Variants in WWOX observed in about 807,000 individuals in gnomAD.
The protein encoded by WWOX is WW domain-containing oxidoreductase.
WWOX carries 69 observed loss-of-function variants against 46.2 expected under a neutral mutation model. That is an observed-to-expected ratio of 1.49 (90% CI 1.23 to 1.82). The LOEUF is 1.82. Among genes scored for constraint, WWOX ranks in the 40% most tolerant of loss-of-function variants. The pLI, the probability that WWOX is intolerant of heterozygous loss-of-function variation, is 0.00. For missense variants in WWOX, 919 were observed against 542.6 expected, an observed-to-expected ratio of 1.69 and a Z score of -6.89; for synonymous variants, 359 against 202.6, an observed-to-expected ratio of 1.77 and a Z score of -6.56.
At chr16:78,912,323 T>C (rs137861223) in intron 8 of WWOX, among the ~76,000 whole-genome samples, 2 of 152,150 alleles carry the variant, frequency 1.3e-5, no homozygotes, top group Non-Finnish European at 1.5e-5. Flanking sequence ...ATGTGTGTTA[T>C]TTTATTTCAT....
chr16:78,145,035 C>G (rs2034150957), intron 4 of WWOX, among the ~76,000 whole-genome samples: 1 of 152,114 alleles, frequency 6.6e-6, no homozygotes, highest in Non-Finnish European at 1.5e-5. Context: ...GCTGCTGTAA[C>G]AAAGCACCAC....
chr16:78,769,836 G>A (rs2050020808), intron 8 of WWOX, among the ~76,000 whole-genome samples: 1 of 150,478 alleles, frequency 6.6e-6, no homozygotes, highest in Non-Finnish European at 1.5e-5. Context: ...GGGAGGTCCT[G>A]TCTCTACAAA....
intron 8 of WWOX, among the ~76,000 whole-genome samples, chr16:79,127,334 T>G (rs1209284339): frequency 5.3e-5 from 8 of 152,188 alleles, no homozygotes; most frequent in Non-Finnish European, 1.2e-4. Flanking sequence ...TACAAGGCAA[T>G]ATGTTTGTAT....
intron 5 of WWOX, among the ~76,000 whole-genome samples, chr16:78,327,331 G>A (rs1426627694): frequency 5.9e-5 from 9 of 152,094 alleles, no homozygotes; most frequent in Non-Finnish European, 7.4e-5. Context: ...GGTGTGAAGC[G>A]TGCCAGCTTT....
chr16:78,125,375 G>A (rs2033317364), intron 4 of WWOX, among the ~76,000 whole-genome samples: 1 of 152,060 alleles, frequency 6.6e-6, no homozygotes, highest in South Asian at 2.1e-4. Context: ...CTGTTGGGAG[G>A]AATAACAGCA....
intron 8 of WWOX, among the ~76,000 whole-genome samples, chr16:78,744,574 G>A (rs1045924482): frequency 6.6e-6 from 1 of 151,820 alleles, no homozygotes; most frequent in Non-Finnish European, 1.5e-5. Flanking sequence ...TGGGATTACA[G>A]GCACCTGCCA....
At chr16:78,309,249 A>T (rs2080189653) in intron 5 of WWOX, among the ~76,000 whole-genome samples, 1 of 152,184 alleles carries the variant, frequency 6.6e-6, no homozygotes, top group Non-Finnish European at 1.5e-5. Context: ...CGATGGTTAT[A>T]AATAAGTGTT....
chr16:78,407,720 T>C (rs148510413), intron 6 of WWOX, among the ~76,000 whole-genome samples: 38 of 152,306 alleles, frequency 2.5e-4, no homozygotes, highest in East Asian at 7.7e-4. Flanking sequence ...TTCAGTGATA[T>C]ATTGTGAAAC....
chr16:78,879,272 GA>G (rs2044294496), intron 8 of WWOX, among the ~76,000 whole-genome samples: 2 of 152,180 alleles, frequency 1.3e-5, no homozygotes, highest in African/African-American at 4.8e-5. Flanking sequence ...AAGAGCAAGT[GA>G]AGATTGCATC....
chr16:78,672,795 T>A (rs1265777313), intron 8 of WWOX, among the ~76,000 whole-genome samples: 1 of 152,362 alleles, frequency 6.6e-6, no homozygotes, highest in African/African-American at 2.4e-5. Context: ...CTCTTGAGTT[T>A]CCAATGATAA....
intron 8 of WWOX, among the ~76,000 whole-genome samples, chr16:78,777,941 A>G (rs1597593719): frequency 6.6e-6 from 1 of 151,712 alleles, no homozygotes. Flanking sequence ...ACTGCTCAGA[A>G]TGCTAAGGTA....
chr16:78,325,761 G>A (rs1332590714), intron 5 of WWOX, among the ~76,000 whole-genome samples: 1 of 152,216 alleles, frequency 6.6e-6, no homozygotes, highest in Non-Finnish European at 1.5e-5. Context: ...TAGCCTTGCA[G>A]GCAAGGAAGC....
intron 5 of WWOX, among the ~76,000 whole-genome samples, chr16:78,328,061 A>G (rs568334431): frequency 6.6e-6 from 1 of 151,822 alleles, no homozygotes; most frequent in South Asian, 2.1e-4. Flanking sequence ...TTTAGTAGAG[A>G]TGACATTTTG....
chr16:78,359,328 A>G lies in WWOX; in HGVS notation c.517-27532A>G, dbSNP rs907297774. The stretch of plus-strand genomic sequence containing the variant: ...AAAAGTTTTAGCATTTTACATAAAA[A>G]CCTCTAAAGCTCTCAGGCTAATTAG... On this transcript the variant is annotated intron_variant, in intron 5 of 8. Coordinates refer to ENST00000566780, the MANE Select transcript of WWOX (RefSeq NM_016373.4). Among the ~76,000 whole-genome samples the G allele has an allele frequency of 4.6e-5, 7 of 152,250 alleles. No homozygotes were observed. In the East Asian group the frequency reaches 1.4e-3, roughly 29 times the overall value.
intron 8 of WWOX, among the ~76,000 whole-genome samples, chr16:78,521,966 C>T (rs1351623481): frequency 6.6e-6 from 1 of 151,962 alleles, no homozygotes; most frequent in Non-Finnish European, 1.5e-5. Flanking sequence ...AAGCTCACAG[C>T]AGGCCCATTT....
At chr16:78,323,062 G>A (rs2080522181) in intron 5 of WWOX, among the ~76,000 whole-genome samples, 2 of 152,052 alleles carry the variant, frequency 1.3e-5, no homozygotes, top group Admixed American at 1.3e-4. Flanking sequence ...AAATAAAACA[G>A]GCGTTCCTTA....
intron 8 of WWOX, among the ~76,000 whole-genome samples, chr16:78,719,190 C>G (rs1346029392): frequency 6.6e-6 from 1 of 152,168 alleles, no homozygotes; most frequent in Non-Finnish European, 1.5e-5. Flanking sequence ...TTGCCTGAAC[C>G]TGATCAACAG....
chr16:78,270,292 T>G (rs2079449903), intron 5 of WWOX: 1 of 152,190 alleles, frequency 6.6e-6, no homozygotes, highest in African/African-American at 2.4e-5. Context: ...AGGCCATCTT[T>G]CCAAGGAACG....
chr16:78,301,049 A>G (rs1002157812), intron 5 of WWOX, among the ~76,000 whole-genome samples: 1 of 150,154 alleles, frequency 6.7e-6, no homozygotes, highest in African/African-American at 2.5e-5. Context: ...TCATCCATCC[A>G]TGCATGTAAG....
Sources: allele counts gnomAD v4.1 joint callset (sites outside exome capture counted in the v4.1 genomes callset), GRCh38; gene constraint gnomAD v4.1.1; transcripts MANE v1.5; gene names NCBI Gene and HGNC (gene_info 2026-07-23, HGNC 2026-07-21).